The following NEBL variants were observed in gnomAD, a reference collection of about 807,000 sequenced individuals.
NEBL encodes nebulette.
A neutral mutation model predicts 140.2 loss-of-function variants in NEBL; 122 were observed. That is an observed-to-expected ratio of 0.87 (90% CI 0.75 to 1.01). The LOEUF (loss-of-function observed/expected upper bound fraction) is 1.01. Ranked by LOEUF, NEBL falls within the 50% of genes least tolerant of loss-of-function variation. The pLI is 0.00. For synonymous variants in NEBL, 436 were observed against 398.9 expected, an observed-to-expected ratio of 1.09 and a Z score of -1.11; for missense variants, 1,365 against 1,231.3, an observed-to-expected ratio of 1.11 and a Z score of -1.62.
At chr10:21,272,833 T>C (rs1005663831) in intron 1 of NEBL, among the ~76,000 whole-genome samples, 1 of 152,182 alleles carries the variant, frequency 6.6e-6, no homozygotes, top group African/African-American at 2.4e-5. Context: ...CCCTGGACAG[T>C]TGAGCGTGCA....
intron 2 of NEBL, among the ~76,000 whole-genome samples, chr10:21,036,194 C>T (rs1378627605): frequency 6.6e-6 from 1 of 152,012 alleles, no homozygotes; most frequent in Non-Finnish European, 1.5e-5. Context: ...GGCACAGTGG[C>T]TCATGCCTAA....
intron 3 of NEBL, among the ~76,000 whole-genome samples, chr10:21,002,741 G>C (rs139015833): frequency 6.6e-6 from 1 of 152,036 alleles, no homozygotes; most frequent in Non-Finnish European, 1.5e-5. Flanking sequence ...ACCAGATCTC[G>C]GGAGAACTCA....
At chr10:21,190,467 G>C (rs1205741081) in intron 3 of NEBL, among the ~76,000 whole-genome samples, 1 of 152,210 alleles carries the variant, frequency 6.6e-6, no homozygotes, top group Non-Finnish European at 1.5e-5. Flanking sequence ...CTGTGCGACA[G>C]AGCGAGACTC....
chr10:21,277,073 G>A (rs1842933759), intron 1 of NEBL, among the ~76,000 whole-genome samples: 1 of 152,002 alleles, frequency 6.6e-6, no homozygotes, highest in Admixed American at 6.6e-5. Context: ...AGGCTGCAGT[G>A]AGTCATGATG....
intron 3 of NEBL, chr10:21,247,669 C>T (rs1842535182): frequency 6.6e-6 from 1 of 152,232 alleles, no homozygotes; most frequent in Non-Finnish European, 1.5e-5. Context: ...CACTGTTGTG[C>T]TTCCTGTCTG....
At chr10:21,279,673 A>C (rs1465739379) in intron 1 of NEBL, among the ~76,000 whole-genome samples, 1 of 151,592 alleles carries the variant, frequency 6.6e-6, no homozygotes, top group East Asian at 1.9e-4. Flanking sequence ...CATGAGAATC[A>C]CTTGAACCTG....
chr10:20,992,660 C>A (rs75170688), intron 3 of NEBL, among the ~76,000 whole-genome samples: 2,996 of 152,002 alleles, frequency 0.02, 34 homozygotes, highest in Middle Eastern at 0.054. Context: ...CTCCTACCCT[C>A]GCCTTGAGCT....
chr10:20,798,970 C>T (rs1452414414), intron 26 of NEBL, among the ~76,000 whole-genome samples: 1 of 152,114 alleles, frequency 6.6e-6, no homozygotes, highest in Non-Finnish European at 1.5e-5. Flanking sequence ...AGTTTCGCTG[C>T]CCGAAACTTT....
At chr10:20,890,444 ATGCT>A (rs1160105046) in intron 2 of NEBL, among the ~76,000 whole-genome samples, 2 of 152,210 alleles carry the variant, frequency 1.3e-5, no homozygotes, top group Non-Finnish European at 2.9e-5. Flanking sequence ...TTACCTAGAC[ATGCT>A]TGATTAGAGG....
chr10:21,033,196 C>T (rs1833868270), intron 2 of NEBL, among the ~76,000 whole-genome samples: 1 of 152,120 alleles, frequency 6.6e-6, no homozygotes, highest in African/African-American at 2.4e-5. Context: ...CCAAGAGAAA[C>T]ACACGCAGAT....
intron 4 of NEBL, among the ~76,000 whole-genome samples, chr10:20,920,003 T>C (rs573094354): frequency 6.6e-6 from 1 of 152,124 alleles, no homozygotes; most frequent in South Asian, 2.1e-4. Flanking sequence ...GGACAAAAGA[T>C]GAATAGTTCA....
At chr10:21,038,664 A>G (rs663759) in intron 2 of NEBL, among the ~76,000 whole-genome samples, 91,865 of 152,082 alleles carry the variant, frequency 0.6, 27,847 homozygotes, top group East Asian at 0.72. Flanking sequence ...TAGTGCTGCA[A>G]TAAACATATG....
chr10:20,828,583 C>T lies in NEBL; in HGVS notation c.1723G>A (p.Ala575Thr), dbSNP rs150413689. 4.4e-6 allele frequency: 7 copies of T among 1,596,702 alleles called. No homozygotes were observed. In the African/African-American group the frequency reaches 9.4e-5, roughly 21 times the overall value. The change falls in exon 17 of 28, where the codon GCA becomes ACA. Residue 575 changes from alanine to threonine, a missense_variant. Transcript: ENST00000377122. Reference protein sequence around the residue: ...EKMLSNYSTIADTPEIQRIKT... With the variant: ...EKMLSNYSTITDTPEIQRIKT... Reference sequence around the variant, plus strand: ...ATTCTCTGAATTTCAGGAGTATCTGCTATGGTAGAATAGTTAGAAAGCATC... The same window carrying T: ...ATTCTCTGAATTTCAGGAGTATCTGTTATGGTAGAATAGTTAGAAAGCATC...
chr10:20,981,822 G>A (rs1222024037), intron 3 of NEBL, among the ~76,000 whole-genome samples: 3 of 152,148 alleles, frequency 2.0e-5, no homozygotes, highest in African/African-American at 7.2e-5. Flanking sequence ...GACATGAATT[G>A]AGAGATAGAA....
chr10:20,849,539 G>T (rs760691919), intron 11 of NEBL, among the ~76,000 whole-genome samples: 6 of 152,110 alleles, frequency 3.9e-5, no homozygotes, highest in Non-Finnish European at 7.3e-5. Flanking sequence ...ATGGGGTTGG[G>T]TTCCTGATAA....
At chr10:20,884,358 C>T (rs962849206) in intron 4 of NEBL, among the ~76,000 whole-genome samples, 5 of 152,112 alleles carry the variant, frequency 3.3e-5, no homozygotes, top group African/African-American at 9.6e-5. Context: ...ATTACAGGCA[C>T]GAGCCACAGC....
chr10:20,906,929 T>C (rs1388739952), intron 4 of NEBL, among the ~76,000 whole-genome samples: 1 of 152,142 alleles, frequency 6.6e-6, no homozygotes, highest in African/African-American at 2.4e-5. Flanking sequence ...CGCACTACAA[T>C]GAGACATGTT....
chr10:21,204,498 C>A (rs1841795416), intron 3 of NEBL, among the ~76,000 whole-genome samples: 2 of 151,938 alleles, frequency 1.3e-5, no homozygotes, highest in South Asian at 4.2e-4. Context: ...AAAGATACAG[C>A]AAGAAGGCAG....
chr10:21,115,601 A>G (rs11012530), intron 2 of NEBL, among the ~76,000 whole-genome samples: 16,590 of 152,040 alleles, frequency 0.11, 956 homozygotes, highest in South Asian at 0.15. Context: ...TGTTTCCAAC[A>G]AGGAGTTCGC....
Sources: gnomAD v4.1 joint callset for allele counts (sites outside exome capture counted in the v4.1 genomes callset) on GRCh38, gnomAD v4.1.1 for gene constraint, MANE v1.5 for transcripts, NCBI Gene and HGNC (gene_info 2026-07-23, HGNC 2026-07-21) for gene names.